TMEM135: variants seen among roughly 807,000 people sequenced by gnomAD.
TMEM135 encodes peroxisomal membrane protein 52.
TMEM135 carries 30 observed loss-of-function variants against 60.3 expected under a neutral mutation model. The ratio of observed to expected loss-of-function variants is 0.50; its 90% CI spans 0.37 to 0.68. TMEM135 has a LOEUF of 0.68. Among genes scored for constraint, TMEM135 ranks in the 30% least tolerant of loss-of-function variants. TMEM135 has a pLI of 0.00. For missense variants in TMEM135, 468 were observed against 548.8 expected (o/e 0.85, Z 1.47); for synonymous variants, 190 against 186.7 (o/e 1.02, Z -0.14).
chr11:87,179,430 A>G (rs1481613399), intron 5 of TMEM135, among the ~76,000 whole-genome samples: 4 of 152,134 alleles, frequency 2.6e-5, no homozygotes, highest in East Asian at 3.9e-4. Flanking sequence ...TACTTTTGCT[A>G]TCATATCCAA....
At chr11:87,189,147 CTTTCCT>C (rs894277877) in intron 5 of TMEM135, among the ~76,000 whole-genome samples, 1 of 147,380 alleles carries the variant, frequency 6.8e-6, no homozygotes, top group Non-Finnish European at 1.5e-5. Flanking sequence ...TTCCCTTTCC[CTTTCCT>C]TTCCCTTTCC....
At chr11:87,077,381 A>G (rs61904173) in intron 3 of TMEM135, among the ~76,000 whole-genome samples, 21,264 of 152,306 alleles carry the variant, frequency 0.14, 1,579 homozygotes, top group Non-Finnish European at 0.16. Context: ...AGAGTTTGTT[A>G]AACATTCACT....
At chr11:87,303,014 C>T (rs995772222) in intron 8 of TMEM135, among the ~76,000 whole-genome samples, 1 of 150,940 alleles carries the variant, frequency 6.6e-6, no homozygotes, top group Admixed American at 6.6e-5. Context: ...CCAATAAAAT[C>T]TTGGTAGTGA....
chr11:87,152,399 A>G (rs1380404176), intron 4 of TMEM135, among the ~76,000 whole-genome samples: 1 of 152,106 alleles, frequency 6.6e-6, no homozygotes, highest in Non-Finnish European at 1.5e-5. Context: ...CTCTTGAGAA[A>G]TTGTTTACTC....
At chr11:87,136,621 G>A (rs1313091511) in intron 4 of TMEM135, among the ~76,000 whole-genome samples, 1 of 150,850 alleles carries the variant, frequency 6.6e-6, no homozygotes. Context: ...AAGCAATCTG[G>A]TCTTTTTTTC....
At chr11:87,149,917 G>C (rs985623425) in intron 4 of TMEM135, among the ~76,000 whole-genome samples, 1 of 152,140 alleles carries the variant, frequency 6.6e-6, no homozygotes, top group African/African-American at 2.4e-5. Flanking sequence ...TTTACATGTA[G>C]TTTAAAAGTG....
At position 87,327,528 on chromosome 11, in the gene TMEM135, A is replaced by C. The variant is rs141612500; in HGVS notation, c.*6195A>C. The stretch of plus-strand genomic sequence containing the variant: ...CAGAACAATAGGGATAGAGAGATAC[A>C]TAGAGAGAGATATGAGAGGGATAGA... On this transcript the variant is annotated 3_prime_UTR_variant, in exon 15 of 15. Coordinates refer to ENST00000305494, the MANE Select transcript of TMEM135 (RefSeq NM_022918.4). 1.1e-5 allele frequency: 5 copies of C among 453,486 alleles called. No homozygotes were observed. The highest frequency in any genetic ancestry group is 7.8e-5 in the South Asian group (5 of 64,352). 28.1% of individuals were successfully genotyped at this position (453,486 alleles called of 1,614,324 possible). A position where few individuals can be genotyped will look rare whatever the true frequency, so the allele number is the denominator to read the frequency against.
chr11:87,233,577 TTAAA>T (rs1350596763), intron 5 of TMEM135, among the ~76,000 whole-genome samples: 4 of 152,144 alleles, frequency 2.6e-5, no homozygotes, highest in Non-Finnish European at 5.9e-5. Flanking sequence ...ATTGTACACT[TTAAA>T]TATGTACAAT....
intron 5 of TMEM135, among the ~76,000 whole-genome samples, chr11:87,180,354 T>TC (rs1044496631): frequency 6.6e-6 from 1 of 152,086 alleles, no homozygotes; most frequent in Non-Finnish European, 1.5e-5. Context: ...TTTGCTTTTT[T>TC]CCCCCCTTTC....
At position 87,328,631 on chromosome 11, in the gene TMEM135, A is replaced by G. The variant is rs1018215906; in HGVS notation, c.*7298A>G. ...ATTCCGGAGTTACTTTACTTAGAAT[A>G]ATGGCCTCCAGCTCCATCCAAGATG... On this transcript the variant is annotated 3_prime_UTR_variant, in exon 15 of 15. Coordinates refer to ENST00000305494, the MANE Select transcript of TMEM135 (RefSeq NM_022918.4). 2.2e-6 allele frequency: 1 copy of G among 453,972 alleles called. No homozygotes were observed. The highest frequency in any genetic ancestry group is 2.0e-5 in the African/African-American group (1 of 49,998). 28.1% of individuals were successfully genotyped at this position (453,972 alleles called of 1,614,324 possible).
chr11:87,202,762 G>A (rs1011540837), intron 5 of TMEM135, among the ~76,000 whole-genome samples: 2 of 149,788 alleles, frequency 1.3e-5, no homozygotes, highest in African/African-American at 4.9e-5. Context: ...ACCGGGCACG[G>A]TGGCTCAAGC....
chr11:87,041,647 A>G (rs563998795), intron 1 of TMEM135, among the ~76,000 whole-genome samples: 1 of 152,222 alleles, frequency 6.6e-6, no homozygotes, highest in Non-Finnish European at 1.5e-5. Context: ...GTAATAGTGC[A>G]TTAATTATGA....
At chr11:87,240,182 G>T (rs1367048281) in intron 6 of TMEM135, among the ~76,000 whole-genome samples, 4 of 152,088 alleles carry the variant, frequency 2.6e-5, no homozygotes, top group African/African-American at 9.7e-5. Flanking sequence ...ACATGCTATG[G>T]ATTCTGTTAG....
At chr11:87,084,186 C>G (rs1257075767) in intron 3 of TMEM135, among the ~76,000 whole-genome samples, 1 of 152,156 alleles carries the variant, frequency 6.6e-6, no homozygotes, top group Non-Finnish European at 1.5e-5. Context: ...GATAATAATG[C>G]TTAGAATTTC....
intron 4 of TMEM135, among the ~76,000 whole-genome samples, chr11:87,112,150 A>G (rs1321985588): frequency 3.9e-5 from 6 of 152,208 alleles, no homozygotes. Context: ...ATGCTTATAA[A>G]AATTTAGCAC....
chr11:87,099,358 G>A (rs961409355), intron 4 of TMEM135, among the ~76,000 whole-genome samples: 2 of 151,906 alleles, frequency 1.3e-5, no homozygotes, highest in Non-Finnish European at 2.9e-5. Context: ...AGATTCATAT[G>A]CAATTATAAA....
In TMEM135 at chr11:87,150,215, C is replaced by CAA. The variant is rs200067307; in HGVS notation, c.397-7107_397-7106dup. Among the ~76,000 whole-genome samples, 76 of 109,826 alleles carry CAA rather than the reference C, an allele frequency of 6.9e-4. 1 individual carries two copies. The highest frequency in any genetic ancestry group is 1.0e-3 in the African/African-American group (31 of 30,240). 72.1% of individuals were successfully genotyped at this position (109,826 alleles called of 152,430 possible). On this transcript the variant is annotated intron_variant, in intron 4 of 14. Coordinates refer to ENST00000305494, the MANE Select transcript of TMEM135 (RefSeq NM_022918.4). Reference sequence around the variant, plus strand: ...GGGCAACAAGAGCGAAACTCTGTCTCAAAAAAAAAAAAAAAAAAAAGAAAA... The same window carrying CAA: ...GGGCAACAAGAGCGAAACTCTGTCTCAAAAAAAAAAAAAAAAAAAAAAGAAAA...
intron 6 of TMEM135, among the ~76,000 whole-genome samples, chr11:87,278,381 CTT>C (rs5793246): frequency 6.8e-4 from 99 of 144,950 alleles, no homozygotes; most frequent in African/African-American, 2.4e-3. Flanking sequence ...AATTTTCGTT[CTT>C]TTTTTTTTTT....
intron 12 of TMEM135, among the ~76,000 whole-genome samples, chr11:87,315,614 C>G (rs1408158353): frequency 6.6e-6 from 1 of 151,898 alleles, no homozygotes; most frequent in Non-Finnish European, 1.5e-5. Context: ...ATGAAAAATA[C>G]TATTACTCTT....
Sources: allele counts gnomAD v4.1 joint callset (sites outside exome capture counted in the v4.1 genomes callset), GRCh38; gene constraint gnomAD v4.1.1; transcripts MANE v1.5; gene names NCBI Gene and HGNC (gene_info 2026-07-23, HGNC 2026-07-21).